Variants in MGRN1 observed in about 807,000 individuals in gnomAD.
MGRN1 encodes the protein mahogunin ring finger 1.
A neutral mutation model predicts 69.2 loss-of-function variants in MGRN1; 29 were observed. The ratio of observed to expected loss-of-function variants is 0.42; its 90% CI spans 0.31 to 0.57. MGRN1 has a LOEUF of 0.57. MGRN1 is among the 20% of genes least tolerant of loss of function. The probability of loss-of-function intolerance (pLI) is 0.15; values close to 1 mark genes in which losing one functional copy is unlikely to be tolerated. For missense variants in MGRN1, 998 were observed against 796.2 expected (o/e 1.25, Z -3.05); for synonymous variants, 470 against 344.2 (o/e 1.37, Z -4.04).
At chr16:4,688,651 T>G in intron 16 of MGRN1, 145 bp from the exon 17 acceptor site, 1 of 1,436,960 alleles carries the variant, frequency 7.0e-7, no homozygotes, top group Non-Finnish European at 9.2e-7. Flanking sequence ...TGTGCTCACA[T>G]CTGAGTGAAT....
rs936746971 is a variant in MGRN1, at chr16:4,686,973, G to T, written c.1619-1823G>T. ...TGGTGCCCAGGGGAGAGTATCTTGC[G>T]TCCTGTCCTGAGGGCGTCCGCTCAC... On this transcript the variant is annotated intron_variant, in intron 16 of 16. Coordinates refer to ENST00000262370, the MANE Select transcript of MGRN1 (RefSeq NM_015246.4). The T allele has an allele frequency of 2.5e-5, 25 of 985,336 alleles. No homozygotes were observed. The African/African-American group carries it at 3.7e-4, about 14-fold the overall frequency. The allele number at this position is 985,336 out of a possible 1,614,324, so 61.0% of individuals were successfully genotyped here.
chr16:4,683,940 GCTGGGGGT>G lies in MGRN1; in HGVS notation c.1618+17_1618+24del. ...CTGACATCTACCTGCCAGGTAAGGG[GCTGGGGGT>G]CTGGGGGTGAGGGGCTGGGTGCCTG... On this transcript the variant is annotated intron_variant, in intron 16 of 16. Coordinates refer to ENST00000262370, the MANE Select transcript of MGRN1 (RefSeq NM_015246.4). The G allele has an allele frequency of 1.3e-6, 2 of 1,582,728 alleles. No homozygotes were observed. Among genetic ancestry groups the G allele is most frequent in the Non-Finnish European group, 1.7e-6 (2 of 1,164,520 alleles).
At position 4,687,678 on chromosome 16, in the gene MGRN1, C is replaced by G. The variant is rs548244592; in HGVS notation, c.1619-1118C>G. The G allele has an allele frequency of 8.1e-6, 8 of 985,430 alleles. No homozygotes were observed. In the African/African-American group the frequency reaches 1.4e-4, roughly 17 times the overall value. 61.0% of individuals were successfully genotyped at this position (985,430 alleles called of 1,614,324 possible). The stretch of plus-strand genomic sequence containing the variant: ...GGCAGACGGATTGGGGACCCTCTGC[C>G]TTCCCAGAGGGTCTTGGCACACAAG... On this transcript the variant is annotated intron_variant, in intron 16 of 16. Transcript: ENST00000262370.
chr16:4,629,356 A>G (rs1013896412), intron 1 of MGRN1, among the ~76,000 whole-genome samples: 13 of 152,078 alleles, frequency 8.5e-5, no homozygotes, highest in Non-Finnish European at 1.5e-4. Context: ...AATTTTCTTA[A>G]TGGTGTTTCT....
chr16:4,671,932 G>C (rs147922962), intron 9 of MGRN1, among the ~76,000 whole-genome samples: 2,465 of 152,316 alleles, frequency 0.016, 33 homozygotes, highest in Non-Finnish European at 0.023. Context: ...TTTTGAGTCA[G>C]TCTCACTCTG....
chr16:4,683,730 G>T (rs1281982376), intron 15 of MGRN1, 113 bp from the exon 16 acceptor site: 2 of 847,794 alleles, frequency 2.4e-6, no homozygotes, highest in East Asian at 2.7e-5. Flanking sequence ...CAAGCCTGGG[G>T]TCCCCACAGT....
chr16:4,680,139 C>T, intron 12 of MGRN1, 42 bp downstream of exon 12: 1 of 1,594,360 alleles, frequency 6.3e-7, no homozygotes. Flanking sequence ...TGCCCCCGCC[C>T]TCATTTTTAA....
At chr16:4,650,123 T>G (rs2078368173) in intron 1 of MGRN1, 2 of 374,666 alleles carry the variant, frequency 5.3e-6, no homozygotes, top group Non-Finnish European at 9.9e-6. Flanking sequence ...GCCAATATGG[T>G]GAAACCCCGT....
rs1183111504 is a variant in MGRN1, at chr16:4,681,787, G to C, written c.1358+11G>C. On this transcript the variant is annotated intron_variant, in intron 13 of 16. Transcript: ENST00000262370. ...CAAGGCCCCCGACAGGTGAGCAGCA[G>C]CCAGGCCAGGTGCATGGCAGGGTGT... 6.2e-7 allele frequency: 1 copy of C among 1,607,604 alleles called. No homozygotes were observed. Among genetic ancestry groups the C allele is most frequent in the Admixed American group, 1.7e-5 (1 of 59,674 alleles).
intron 16 of MGRN1, among the ~76,000 whole-genome samples, chr16:4,684,368 G>A (rs1017462600): frequency 2.6e-5 from 4 of 152,250 alleles, no homozygotes; most frequent in South Asian, 2.1e-4. Context: ...TGCCACGTGC[G>A]CTCCTGGCAG....
In MGRN1 at chr16:4,688,876, G is replaced by A. The variant is rs1222041314; in HGVS notation, c.1699G>A (p.Asp567Asn). The change falls in exon 17 of 17, where the codon GAT (aspartate) becomes AAT (asparagine). Residue 567 changes from aspartate (D) to asparagine (N), a missense_variant. Physicochemically the swap from Asp to Asn is conservative, Grantham distance 23. Transcript: ENST00000262370. ...TWPPLGGPSP[D>N]PSAAELTPL ...GCCTCCACTTGGTGGCCCCAGCCCCGATCCCAGCGCCGCCGAGCTGACCCC... is the reference window on the plus strand; with the variant it reads ...GCCTCCACTTGGTGGCCCCAGCCCCAATCCCAGCGCCGCCGAGCTGACCCC... The A allele has an allele frequency of 6.4e-6, 10 of 1,552,906 alleles. No individual in the cohort carries two copies. Among genetic ancestry groups the A allele is most frequent in the African/African-American group, 2.7e-5 (2 of 73,156 alleles).
chr16:4,687,315 C>A, intron 16 of MGRN1: 1 of 978,836 alleles, frequency 1.0e-6, no homozygotes, highest in Non-Finnish European at 1.2e-6. Flanking sequence ...TTTGGGAGAC[C>A]GAGGGGATAG....
chr16:4,661,635 C>G (rs1282213705), intron 5 of MGRN1, among the ~76,000 whole-genome samples: 1 of 152,282 alleles, frequency 6.6e-6, no homozygotes, highest in Non-Finnish European at 1.5e-5. Flanking sequence ...CAGCTCCTGG[C>G]TCCACCCTTC....
chr16:4,678,651 G>C (rs2079108113), intron 11 of MGRN1, among the ~76,000 whole-genome samples: 1 of 152,230 alleles, frequency 6.6e-6, no homozygotes, highest in South Asian at 2.1e-4. Context: ...TGGGGGAGTT[G>C]GACAGTGACT....
chr16:4,649,916 C>T (rs1430821449), intron 1 of MGRN1: 1 of 159,852 alleles, frequency 6.3e-6, no homozygotes, highest in African/African-American at 2.4e-5. Flanking sequence ...GCTGGCCTGT[C>T]TGCATCAGCT....
At chr16:4,683,668 C>G (rs961779846) in intron 15 of MGRN1, among the ~76,000 whole-genome samples, 175 bp from the exon 16 acceptor site, 1 of 152,106 alleles carries the variant, frequency 6.6e-6, no homozygotes, top group Non-Finnish European at 1.5e-5. Context: ...AAACACCCAG[C>G]TTTGGGGTCC....
intron 16 of MGRN1, chr16:4,688,017 G>A: frequency 1.0e-6 from 1 of 985,560 alleles, no homozygotes; most frequent in Non-Finnish European, 1.2e-6. Flanking sequence ...TTCCGGAGCT[G>A]GGGAGTGCAG....
At chr16:4,638,734 G>C (rs2078087921) in intron 1 of MGRN1, among the ~76,000 whole-genome samples, 1 of 152,238 alleles carries the variant, frequency 6.6e-6, no homozygotes, top group Non-Finnish European at 1.5e-5. Flanking sequence ...AGACTGGTAA[G>C]CAGGAACACC....
chr16:4,680,200 C>G, intron 12 of MGRN1, 103 bp downstream of exon 12: 3 of 1,156,500 alleles, frequency 2.6e-6, no homozygotes, highest in Non-Finnish European at 3.8e-6. Context: ...GTGTCTGATT[C>G]ATATAACCCG....
Sources: gnomAD v4.1 joint callset for allele counts (sites outside exome capture counted in the v4.1 genomes callset) on GRCh38, gnomAD v4.1.1 for gene constraint, MANE v1.5 for transcripts, NCBI Gene and HGNC (gene_info 2026-07-23, HGNC 2026-07-21) for gene names.